PACRG: variants seen among roughly 807,000 people sequenced by gnomAD.
PACRG encodes the protein parkin coregulated.
PACRG carries 29 observed loss-of-function variants against 29.7 expected under a neutral mutation model. The ratio of observed to expected loss-of-function variants is 0.98; its 90% CI spans 0.73 to 1.33. PACRG has a LOEUF of 1.33. Among genes scored for constraint, PACRG ranks in the 40% most tolerant of loss-of-function variants. The probability of loss-of-function intolerance (pLI) is 0.00; values close to 1 mark genes in which losing one functional copy is unlikely to be tolerated. For missense variants in PACRG, 279 were observed against 316.2 expected (o/e 0.88, Z 0.89); for synonymous variants, 116 against 118.7 (o/e 0.98, Z 0.15).
chr6:163,242,167 T>C (rs1047228311), intron 4 of PACRG, among the ~76,000 whole-genome samples: 9 of 152,244 alleles, frequency 5.9e-5, no homozygotes, highest in African/African-American at 1.4e-4. Context: ...ATTAGGTTCA[T>C]GCACAACCAA....
intron 4 of PACRG, among the ~76,000 whole-genome samples, chr6:163,105,443 C>A (rs1289506813): frequency 6.6e-6 from 1 of 152,056 alleles, no homozygotes; most frequent in African/African-American, 2.4e-5. Flanking sequence ...TGAAATTATG[C>A]AGTTAATATT....
At chr6:163,014,751 CTT>C (rs1585009950) in intron 2 of PACRG, among the ~76,000 whole-genome samples, 3 of 152,004 alleles carry the variant, frequency 2.0e-5, no homozygotes, top group Non-Finnish European at 4.4e-5. Context: ...AATAGTAGAC[CTT>C]TGTCAGATTC....
chr6:162,779,226 G>A (rs1409255381), intron 1 of PACRG, among the ~76,000 whole-genome samples: 1 of 152,154 alleles, frequency 6.6e-6, no homozygotes, highest in Admixed American at 6.5e-5. Flanking sequence ...CCTTTTTATA[G>A]CTGCATAGTA....
At chr6:162,884,089 T>C (rs1438282701) in intron 2 of PACRG, among the ~76,000 whole-genome samples, 1 of 152,054 alleles carries the variant, frequency 6.6e-6, no homozygotes, top group Non-Finnish European at 1.5e-5. Flanking sequence ...TAGCTGAGAC[T>C]ACGGGCCTGC....
intron 4 of PACRG, among the ~76,000 whole-genome samples, chr6:163,293,959 C>T (rs1391532597): frequency 5.9e-5 from 9 of 152,054 alleles, no homozygotes. Flanking sequence ...TTTTCTAGTT[C>T]CGACCTAGAT....
intron 4 of PACRG, among the ~76,000 whole-genome samples, chr6:163,312,270 G>C (rs10945891): frequency 0.33 from 50,088 of 151,970 alleles, 8,743 homozygotes; most frequent in Admixed American, 0.45. Flanking sequence ...CCCTGCTTTG[G>C]TTGGAATCCT....
chr6:162,846,069 G>T (rs1024414318), intron 2 of PACRG, among the ~76,000 whole-genome samples: 5 of 152,144 alleles, frequency 3.3e-5, no homozygotes, highest in Non-Finnish European at 7.3e-5. Flanking sequence ...TGACCCCAGC[G>T]AAGGGGAGGG....
chr6:162,946,199 C>A (rs886649389), intron 2 of PACRG, among the ~76,000 whole-genome samples: 2 of 151,092 alleles, frequency 1.3e-5, no homozygotes, highest in Admixed American at 1.3e-4. Flanking sequence ...AAAGGATCAT[C>A]AAAACATTGT....
At chr6:162,942,138 G>T (rs928947900) in intron 2 of PACRG, among the ~76,000 whole-genome samples, 1 of 152,150 alleles carries the variant, frequency 6.6e-6, no homozygotes, top group African/African-American at 2.4e-5. Flanking sequence ...CGCACCAAAA[G>T]AAACCTCTAT....
chr6:163,062,178 A>C lies in PACRG; in HGVS notation c.320A>C (p.His107Pro). The C allele has an allele frequency of 6.2e-7, 1 of 1,614,042 alleles. No individual in the cohort carries two copies. The change falls in exon 3 of 5, where the codon CAT becomes CCT. Residue 107 changes from histidine to proline, a missense_variant. His to Pro is a moderately conservative substitution (Grantham distance 77). Transcript: ENST00000366888. ...KVEIEKLDYH[H>P]YLPLFFDGLC... ...GAAATTGAGAAGCTGGATTACCATC[A>C]TTATCTGCCTCTGTTTTTTGATGGG...
At chr6:163,111,391 G>A (rs891856217) in intron 4 of PACRG, among the ~76,000 whole-genome samples, 1 of 152,230 alleles carries the variant, frequency 6.6e-6, no homozygotes, top group African/African-American at 2.4e-5. Context: ...TGCAAGGTAA[G>A]TACAGGGTGT....
chr6:163,148,188 G>T (rs974458371), intron 4 of PACRG, among the ~76,000 whole-genome samples: 1 of 152,306 alleles, frequency 6.6e-6, no homozygotes, highest in South Asian at 2.1e-4. Flanking sequence ...CAAATTGGCA[G>T]CCTGAGTGTT....
intron 4 of PACRG, among the ~76,000 whole-genome samples, chr6:163,114,725 G>A (rs1187437448): frequency 6.6e-6 from 1 of 151,904 alleles, no homozygotes; most frequent in African/African-American, 2.4e-5. Flanking sequence ...GGAGATGTTG[G>A]CTAAAAGGTA....
At chr6:163,157,524 C>T (rs1021635593) in intron 4 of PACRG, among the ~76,000 whole-genome samples, 4 of 152,198 alleles carry the variant, frequency 2.6e-5, no homozygotes, top group Non-Finnish European at 5.9e-5. Flanking sequence ...GCATCCCCAG[C>T]ACCAGGCATA....
rs1486091793 is a variant in PACRG at position 163,269,780 on chromosome 6, G to T, written c.614-45047G>T. ...AGAGAGAGAGACAGACAGACAGACA[G>T]ACAGAAAGAAAGAAAGGAAGGAAGG... On this transcript the variant is annotated intron_variant, in intron 4 of 4. Transcript: ENST00000366888. Among the ~76,000 whole-genome samples the T allele has an allele frequency of 1.5e-3, 157 of 102,448 alleles. 9 individuals are homozygous for T. Among genetic ancestry groups the T allele is most frequent in the African/African-American group, 5.7e-3 (144 of 25,474 alleles). The allele number at this position is 102,448 out of a possible 152,430, so 67.2% of individuals were successfully genotyped here. A position where few individuals can be genotyped will look rare whatever the true frequency, so the allele number is the denominator to read the frequency against.
intron 1 of PACRG, among the ~76,000 whole-genome samples, chr6:162,784,019 A>G (rs1358475793): frequency 6.6e-6 from 1 of 152,150 alleles, no homozygotes; most frequent in Admixed American, 6.5e-5. Context: ...TTTCTCAAAT[A>G]TTTTATTAGT....
intron 4 of PACRG, chr6:163,185,040 A>G (rs899396532): frequency 6.6e-6 from 1 of 152,248 alleles, no homozygotes; most frequent in Admixed American, 6.5e-5. Context: ...CAGAACACCA[A>G]TGCAATTAAT....
chr6:163,257,418 A>G (rs1047590432), intron 4 of PACRG, among the ~76,000 whole-genome samples: 1 of 152,188 alleles, frequency 6.6e-6, no homozygotes, highest in African/African-American at 2.4e-5. Context: ...CAGTGGTGGT[A>G]TAAGAAATAG....
At chr6:163,209,198 G>T (rs558989895) in intron 4 of PACRG, among the ~76,000 whole-genome samples, 98 of 152,352 alleles carry the variant, frequency 6.4e-4, no homozygotes, top group African/African-American at 2.3e-3. Flanking sequence ...GAAACGTGAT[G>T]AGTGGCCCTG....
Sources: gnomAD v4.1 joint callset for allele counts (sites outside exome capture counted in the v4.1 genomes callset) on GRCh38, gnomAD v4.1.1 for gene constraint, MANE v1.5 for transcripts, NCBI Gene and HGNC (gene_info 2026-07-23, HGNC 2026-07-21) for gene names.